The following CNTN4 variants were observed in gnomAD, a reference collection of about 807,000 sequenced individuals.
The protein encoded by CNTN4 is contactin 4.
In CNTN4, 77 loss-of-function variants were observed where a neutral mutation model predicts 122.5. The observed-to-expected ratio is 0.63, with a 90% confidence interval of 0.52 to 0.76. The LOEUF is 0.76. Among genes scored for constraint, CNTN4 ranks in the 30% least tolerant of loss-of-function variants. The pLI, the probability that CNTN4 is intolerant of heterozygous loss-of-function variation, is 0.00. For synonymous variants in CNTN4, 512 were observed against 447.0 expected (o/e 1.15, Z -1.83); for missense variants, 1,256 against 1,259.1 (o/e 1.00, Z 0.04).
At chr3:3,013,506 T>C (rs1697438601) in intron 14 of CNTN4, among the ~76,000 whole-genome samples, 1 of 152,032 alleles carries the variant, frequency 6.6e-6, no homozygotes, top group Non-Finnish European at 1.5e-5. Context: ...GCTCCAGCAT[T>C]GTTTGGGAGC....
At chr3:2,250,546 C>A (rs1198404438) in intron 2 of CNTN4, among the ~76,000 whole-genome samples, 1 of 151,816 alleles carries the variant, frequency 6.6e-6, no homozygotes, top group Non-Finnish European at 1.5e-5. Context: ...ATTCCCAACA[C>A]AATGAAATGA....
At chr3:2,819,947 T>C (rs1418370688) in intron 7 of CNTN4, among the ~76,000 whole-genome samples, 4 of 152,204 alleles carry the variant, frequency 2.6e-5, no homozygotes, top group African/African-American at 9.7e-5. Flanking sequence ...CTGGGAACTG[T>C]CTGTGAACTG....
At chr3:2,214,219 A>C (rs1215009485) in intron 2 of CNTN4, among the ~76,000 whole-genome samples, 1 of 152,148 alleles carries the variant, frequency 6.6e-6, no homozygotes, top group Admixed American at 6.5e-5. Flanking sequence ...AATCTGGTTC[A>C]GTGGTAGCTT....
At chr3:2,194,799 C>G (rs1224685348) in intron 2 of CNTN4, among the ~76,000 whole-genome samples, 1 of 152,088 alleles carries the variant, frequency 6.6e-6, no homozygotes, top group African/African-American at 2.4e-5. Flanking sequence ...TGTTAGCAAA[C>G]CACCAGAAGC....
chr3:2,508,490 C>T (rs1228340853), intron 3 of CNTN4, among the ~76,000 whole-genome samples: 1 of 152,192 alleles, frequency 6.6e-6, no homozygotes, highest in African/African-American at 2.4e-5. Context: ...CCATAACTTT[C>T]ATTCTGCCCC....
intron 4 of CNTN4, among the ~76,000 whole-genome samples, chr3:2,684,483 G>A (rs541370498): frequency 2.6e-5 from 4 of 152,246 alleles, no homozygotes; most frequent in African/African-American, 9.6e-5. Flanking sequence ...AGTTTTGTCT[G>A]TTTCTCTTTA....
chr3:2,948,192 C>T (rs1377029205), intron 13 of CNTN4, among the ~76,000 whole-genome samples: 2 of 152,146 alleles, frequency 1.3e-5, no homozygotes, highest in Non-Finnish European at 2.9e-5. Context: ...CCTAGAAACT[C>T]TAGGAAGGTT....
At chr3:2,973,297 A>G (rs573168331) in intron 13 of CNTN4, among the ~76,000 whole-genome samples, 1 of 152,160 alleles carries the variant, frequency 6.6e-6, no homozygotes, top group South Asian at 2.1e-4. Context: ...TGGGAAGAGA[A>G]CACCCAGGTA....
chr3:2,114,573 G>A (rs2033209213), intron 2 of CNTN4, among the ~76,000 whole-genome samples: 1 of 152,174 alleles, frequency 6.6e-6, no homozygotes, highest in Admixed American at 6.5e-5. Context: ...GACGCTAGGG[G>A]TATGGGAAGG....
intron 3 of CNTN4, among the ~76,000 whole-genome samples, chr3:2,419,496 T>G (rs1023207005): frequency 9.9e-5 from 15 of 152,174 alleles, no homozygotes; most frequent in Non-Finnish European, 1.3e-4. Context: ...TCTAGCCCAA[T>G]GTTTCAAAAA....
At chr3:2,776,491 A>C (rs2091323504) in intron 6 of CNTN4, among the ~76,000 whole-genome samples, 1 of 152,164 alleles carries the variant, frequency 6.6e-6, no homozygotes, top group African/African-American at 2.4e-5. Context: ...GTCAGTAATT[A>C]AGAGGTCAAG....
chr3:2,851,654 G>A (rs2093552844), intron 7 of CNTN4, among the ~76,000 whole-genome samples: 1 of 152,150 alleles, frequency 6.6e-6, no homozygotes, highest in Admixed American at 6.5e-5. Context: ...CTCTAAGGTG[G>A]GGGTTGTTAT....
intron 4 of CNTN4, among the ~76,000 whole-genome samples, chr3:2,730,903 G>A (rs184881565): frequency 1.3e-5 from 2 of 151,688 alleles, no homozygotes; most frequent in Non-Finnish European, 2.9e-5. Context: ...GTGGAAGTGG[G>A]CCAAATTAAT....
At chr3:2,851,589 C>T (rs1055122519) in intron 7 of CNTN4, among the ~76,000 whole-genome samples, 3 of 152,180 alleles carry the variant, frequency 2.0e-5, no homozygotes, top group African/African-American at 7.2e-5. Flanking sequence ...CTTCGCTTGG[C>T]GTTTTATTGT....
rs2078779254 is a variant in CNTN4, at chr3:2,557,724, C to G, written c.-88-13692C>G. On this transcript the variant is annotated intron_variant, in intron 3 of 24. Transcript: ENST00000418658. Reference sequence around the variant, plus strand: ...AGCCTGGGCAACACTGCACTCCAGCCTGGGCAACAGAGCAAGATTCTGTCT... The same window carrying G: ...AGCCTGGGCAACACTGCACTCCAGCGTGGGCAACAGAGCAAGATTCTGTCT... Among the ~76,000 whole-genome samples, 3 of 148,506 alleles carry G rather than the reference C, an allele frequency of 2.0e-5. No individual in the cohort carries two copies. In the Admixed American group the frequency reaches 2.0e-4, roughly 10 times the overall value.
At chr3:2,233,423 T>C (rs1435530263) in intron 2 of CNTN4, among the ~76,000 whole-genome samples, 1 of 152,174 alleles carries the variant, frequency 6.6e-6, no homozygotes, top group Non-Finnish European at 1.5e-5. Context: ...CGCAGTCTTG[T>C]GATATATTCT....
Position 2,570,080 on chromosome 3 carries a change from A to T in CNTN4, c.-88-1336A>T, listed in dbSNP as rs114052454. On this transcript the variant is annotated intron_variant, in intron 3 of 24. Transcript: ENST00000418658. ...GTGGGAGAAGGGATGAGTGGATGAG[A>T]GGAACCACAGTTGAGAGTTCTGTTT... Among the ~76,000 whole-genome samples, 256 of 152,174 alleles carry T rather than the reference A, an allele frequency of 1.7e-3. 3 individuals are homozygous for T. Among genetic ancestry groups the T allele is most frequent in the African/African-American group, 5.9e-3 (243 of 41,520 alleles).
chr3:2,905,102 A>T (rs187213254), intron 12 of CNTN4, among the ~76,000 whole-genome samples: 41 of 152,258 alleles, frequency 2.7e-4, no homozygotes, highest in African/African-American at 9.4e-4. Context: ...TAGTACTAGG[A>T]TTCAAGGCCT....
At chr3:2,225,408 G>C (rs996463401) in intron 2 of CNTN4, among the ~76,000 whole-genome samples, 1 of 151,914 alleles carries the variant, frequency 6.6e-6, no homozygotes, top group Non-Finnish European at 1.5e-5. Context: ...CAGCTACTTG[G>C]GAGGCTGAGG....
Sources: allele counts gnomAD v4.1 joint callset (sites outside exome capture counted in the v4.1 genomes callset), GRCh38; gene constraint gnomAD v4.1.1; transcripts MANE v1.5; gene names NCBI Gene and HGNC (gene_info 2026-07-23, HGNC 2026-07-21).